The following COL11A1 variants were observed in gnomAD, a reference collection of about 807,000 sequenced individuals.
COL11A1 encodes collagen type XI alpha 1 chain, also known as collagen alpha-1(XI) chain.
COL11A1 carries 74 observed loss-of-function variants against 265.2 expected under a neutral mutation model. The ratio of observed to expected loss-of-function variants is 0.28; its 90% confidence interval spans 0.23 to 0.34. The LOEUF is 0.34. Ranked by LOEUF, COL11A1 falls within the 10% of genes least tolerant of loss-of-function variation. The probability of loss-of-function intolerance (pLI) is 1.00; values close to 1 mark genes in which losing one functional copy is unlikely to be tolerated. For synonymous variants in COL11A1, 816 were observed against 727.6 expected, an observed-to-expected ratio of 1.12 and a Z score of -1.96; for missense variants, 2,165 against 2,263.6, an observed-to-expected ratio of 0.96 and a Z score of 0.88.
chr1:102,939,527 T>C (rs1484846806), intron 43 of COL11A1, among the ~76,000 whole-genome samples: 1 of 151,924 alleles, frequency 6.6e-6, no homozygotes, highest in Non-Finnish European at 1.5e-5. Flanking sequence ...AGTGAGACCC[T>C]GTCCTACAAA....
chr1:102,979,756 T>G (rs1043156040), intron 31 of COL11A1: 10 of 369,368 alleles, frequency 2.7e-5, no homozygotes, highest in African/African-American at 1.7e-4. Context: ...AATGTAAAAT[T>G]CTTTGTATTT....
chr1:102,905,605 A>T (rs1256167483), intron 54 of COL11A1, among the ~76,000 whole-genome samples: 1 of 151,466 alleles, frequency 6.6e-6, no homozygotes, highest in Non-Finnish European at 1.5e-5. Context: ...ATTATTTCTT[A>T]AACTGGTCTT....
intron 54 of COL11A1, among the ~76,000 whole-genome samples, chr1:102,902,664 A>G (rs1653359749): frequency 6.6e-6 from 1 of 151,926 alleles, no homozygotes; most frequent in Non-Finnish European, 1.5e-5. Flanking sequence ...ACAGTTTTGT[A>G]CCACACAGAA....
chr1:102,942,318 A>G (rs2101337651), intron 42 of COL11A1, among the ~76,000 whole-genome samples: 1 of 152,282 alleles, frequency 6.6e-6, no homozygotes, highest in Middle Eastern at 3.4e-3. Context: ...CCTTCATTAT[A>G]GTACACATAA....
At chr1:102,880,518 G>T (rs1487868752) in intron 65 of COL11A1, among the ~76,000 whole-genome samples, 1 of 152,086 alleles carries the variant, frequency 6.6e-6, no homozygotes, top group East Asian at 1.9e-4. Context: ...GGCATAATGT[G>T]CAAGACAAGG....
chr1:103,079,813 G>C (rs1337526438), intron 2 of COL11A1, among the ~76,000 whole-genome samples: 4 of 151,832 alleles, frequency 2.6e-5, no homozygotes, highest in Non-Finnish European at 5.9e-5. Context: ...ACAATATCTA[G>C]CCTAATATCA....
chr1:102,948,356 G>C (rs541540981), intron 41 of COL11A1, among the ~76,000 whole-genome samples: 1 of 152,044 alleles, frequency 6.6e-6, no homozygotes, highest in African/African-American at 2.4e-5. Flanking sequence ...CATATAACTA[G>C]TTAAGAGAAC....
In COL11A1 at chr1:102,989,542, A is replaced by G; in HGVS notation, c.2370T>C (p.Gly790=). 1 of 1,611,328 alleles carries G rather than the reference A, an allele frequency of 6.2e-7. No homozygotes were observed. The highest frequency in any genetic ancestry group is 1.3e-5 in the African/African-American group (1 of 74,902). Reference sequence around the variant, plus strand: ...CTCTGTCACCTTTTAGACCCATGTCACCTTTGAATCCTGGAAAACCATCTT... The same window carrying G: ...CTCTGTCACCTTTTAGACCCATGTCGCCTTTGAATCCTGGAAAACCATCTT... ...KGEDGFPGFK[G]DMGLKGDRGE... is the part of the protein sequence containing the mutation. Residue 790 remains glycine (G), a synonymous_variant, in exon 29 of 67, where the codon GGT becomes GGC. Transcript: ENST00000370096.
chr1:102,914,444 AATAAATTTTT>A, intron 51 of COL11A1, 39 bp from the exon 52 acceptor site: 1 of 1,540,654 alleles, frequency 6.5e-7, no homozygotes, highest in Non-Finnish European at 8.9e-7. Flanking sequence ...ATAAATGAAA[AATAAATTTTT>A]ATAAAATTAT....
chr1:102,909,507 A>G (rs1437430514), intron 54 of COL11A1, among the ~76,000 whole-genome samples: 1 of 152,108 alleles, frequency 6.6e-6, no homozygotes, highest in Non-Finnish European at 1.5e-5. Context: ...ATTTTTTTGT[A>G]CATTATATTT....
intron 14 of COL11A1, 49 bp from the exon 15 acceptor site, chr1:103,008,565 C>G (rs1291530244): frequency 6.8e-7 from 1 of 1,461,612 alleles, no homozygotes; most frequent in African/African-American, 1.4e-5. Flanking sequence ...AATTTCCTAA[C>G]TACTTTTATC....
intron 11 of COL11A1, among the ~76,000 whole-genome samples, chr1:103,017,467 T>C (rs898350108): frequency 3.9e-5 from 6 of 152,146 alleles, no homozygotes; most frequent in African/African-American, 1.4e-4. Flanking sequence ...AATTTAGATT[T>C]ATTAACTTAT....
chr1:103,069,119 T>A (rs6670672), intron 4 of COL11A1, among the ~76,000 whole-genome samples: 2,153 of 151,894 alleles, frequency 0.014, 46 homozygotes, highest in African/African-American at 0.049. Flanking sequence ...AACAATGTTT[T>A]ACAAAGAATA....
Position 103,039,605 on chromosome 1 carries a change from C to T in COL11A1, c.652-8361G>A, listed in dbSNP as rs190534615. On this transcript the variant is annotated intron_variant, in intron 4 of 66. Coordinates refer to ENST00000370096, the MANE Select transcript of COL11A1 (RefSeq NM_001854.4). Reference sequence around the variant, plus strand: ...GCAAGAACGCTCGGACAGAAGAAAACGACTCTGTCAACACCTGGATCTTGG... The same window carrying T: ...GCAAGAACGCTCGGACAGAAGAAAATGACTCTGTCAACACCTGGATCTTGG... Among the ~76,000 whole-genome samples, 770 of 151,382 alleles carry T rather than the reference C, an allele frequency of 5.1e-3. 6 individuals are homozygous for T. The highest frequency in any genetic ancestry group is 0.017 in the African/African-American group (710 of 41,392).
At chr1:102,970,857 A>G (rs982002681) in intron 36 of COL11A1, among the ~76,000 whole-genome samples, 4 of 151,964 alleles carry the variant, frequency 2.6e-5, no homozygotes, top group African/African-American at 7.3e-5. Context: ...CTACTAAAAA[A>G]CAAAAAAGTA....
Position 102,920,368 on chromosome 1 carries a change from C to T in COL11A1, c.3709-4G>A, listed in dbSNP as rs764769652. 2 of 1,612,304 alleles carry T rather than the reference C, an allele frequency of 1.2e-6. No homozygotes were observed. Among genetic ancestry groups the T allele is most frequent in the Non-Finnish European group, 1.7e-6 (2 of 1,178,588 alleles). On this transcript the variant is annotated splice_polypyrimidine_tract_variant and splice_region_variant and intron_variant, in intron 48 of 66. Coordinates refer to ENST00000370096, the MANE Select transcript of COL11A1 (RefSeq NM_001854.4). ...ACCCTGGGGGTCCTTGTGGTCCCTG[C>T]AGTGTAGAAAAAGGAATGTAATTAT...
intron 54 of COL11A1, among the ~76,000 whole-genome samples, chr1:102,911,403 G>T (rs1654663071): frequency 6.6e-6 from 1 of 152,126 alleles, no homozygotes; most frequent in Non-Finnish European, 1.5e-5. Flanking sequence ...CAATTGCCCT[G>T]TGACTTTGGA....
At chr1:103,066,176 C>G (rs1671130234) in intron 4 of COL11A1, among the ~76,000 whole-genome samples, 1 of 151,608 alleles carries the variant, frequency 6.6e-6, no homozygotes, top group African/African-American at 2.4e-5. Flanking sequence ...AAAGTGTATC[C>G]TAGAAAAATA....
At chr1:102,932,648 G>C (rs1426391841) in intron 46 of COL11A1, among the ~76,000 whole-genome samples, 1 of 152,108 alleles carries the variant, frequency 6.6e-6, no homozygotes, top group Non-Finnish European at 1.5e-5. Context: ...TGCCTTGCTA[G>C]ATTGGGGAAG....
Sources: allele counts gnomAD v4.1 joint callset (sites outside exome capture counted in the v4.1 genomes callset), GRCh38; gene constraint gnomAD v4.1.1; transcripts MANE v1.5; gene names NCBI Gene and HGNC (gene_info 2026-07-23, HGNC 2026-07-21).